Variants in CSMD3 observed in about 807,000 individuals in gnomAD.
The protein encoded by CSMD3 is CUB and Sushi multiple domains 3.
Under a neutral mutation model 435.2 loss-of-function variants are expected in CSMD3, and 177 were observed. That is an observed-to-expected ratio of 0.41 (90% CI 0.36 to 0.46). The LOEUF is 0.46. Among genes scored for constraint, CSMD3 ranks in the 20% least tolerant of loss-of-function variants. CSMD3 has a pLI of 0.34. For missense variants in CSMD3, 4,265 were observed against 4,504.6 expected (o/e 0.95, Z 1.52); for synonymous variants, 1,656 against 1,520.5 (o/e 1.09, Z -2.07).
intron 3 of CSMD3, among the ~76,000 whole-genome samples, chr8:113,272,519 TG>T (rs1307451374): frequency 3.3e-5 from 5 of 150,898 alleles, no homozygotes; most frequent in African/African-American, 1.2e-4. Flanking sequence ...GAAGTGTGTT[TG>T]GGGTTTCTGC....
At chr8:112,803,127 T>C (rs1020865780) in intron 12 of CSMD3, among the ~76,000 whole-genome samples, 1 of 152,156 alleles carries the variant, frequency 6.6e-6, no homozygotes, top group South Asian at 2.1e-4. Context: ...CTTAAAAAGA[T>C]CTGCATAACT....
chr8:113,215,772 A>T (rs2092897411), intron 3 of CSMD3, among the ~76,000 whole-genome samples: 1 of 151,978 alleles, frequency 6.6e-6, no homozygotes, highest in African/African-American at 2.4e-5. Flanking sequence ...AGTATATATT[A>T]AACTAATCTA....
chr8:113,071,751 T>C (rs2089132423), intron 5 of CSMD3, among the ~76,000 whole-genome samples: 2 of 151,958 alleles, frequency 1.3e-5, no homozygotes, highest in Admixed American at 1.3e-4. Context: ...CCTCCAGTTT[T>C]GTTCTTCTTG....
At position 112,843,098 on chromosome 8, in the gene CSMD3, G is replaced by T. The variant is rs73344061; in HGVS notation, c.1756-13309C>A. 3.0e-3 allele frequency among the ~76,000 whole-genome samples: 453 copies of T among 151,826 alleles called. 1 individual carries two copies. The highest frequency in any genetic ancestry group is 0.01 in the African/African-American group (420 of 41,480). Reference sequence around the variant, plus strand: ...TAAGCATCAATTCTATCCAAAAAGAGAGATTTTATGTTTGGTTTCTTTATA... The same window carrying T: ...TAAGCATCAATTCTATCCAAAAAGATAGATTTTATGTTTGGTTTCTTTATA... On this transcript the variant is annotated intron_variant, in intron 11 of 70. Coordinates refer to ENST00000297405, the MANE Select transcript of CSMD3 (RefSeq NM_198123.2).
At chr8:113,336,332 G>A (rs2094074806) in intron 1 of CSMD3, among the ~76,000 whole-genome samples, 1 of 151,146 alleles carries the variant, frequency 6.6e-6, no homozygotes, top group Non-Finnish European at 1.5e-5. Flanking sequence ...GAAAAAAAAT[G>A]TATTAAGTGT....
At chr8:113,197,286 G>C (rs992940381) in intron 3 of CSMD3, among the ~76,000 whole-genome samples, 7 of 150,750 alleles carry the variant, frequency 4.6e-5, no homozygotes, top group Non-Finnish European at 5.9e-5. Context: ...GTATAGAATT[G>C]CCTTCAGCCT....
chr8:112,360,607 C>T (rs1827097939), intron 38 of CSMD3, among the ~76,000 whole-genome samples: 1 of 151,692 alleles, frequency 6.6e-6, no homozygotes, highest in Admixed American at 6.6e-5. Context: ...GTATGTCATT[C>T]CTTGTATTTT....
In CSMD3 at chr8:112,223,624, A is replaced by C. The variant is rs1812333873; in HGVS notation, c.*1147T>G. The C allele has an allele frequency of 6.6e-6, 1 of 152,222 alleles. No individual in the cohort carries two copies. Among genetic ancestry groups the C allele is most frequent in the African/African-American group, 2.4e-5 (1 of 41,460 alleles). 9.4% of individuals were successfully genotyped at this position (152,222 alleles called of 1,614,324 possible). ...AGGTACAGAAATTTAAAAATATATA[A>C]AAATATGATAAGTCCACAATTGTAG... On this transcript the variant is annotated 3_prime_UTR_variant, in exon 71 of 71. Transcript: ENST00000297405.
At chr8:113,030,996 G>A (rs998882371) in intron 5 of CSMD3, among the ~76,000 whole-genome samples, 1 of 151,506 alleles carries the variant, frequency 6.6e-6, no homozygotes, top group African/African-American at 2.4e-5. Flanking sequence ...CAGTGACTAT[G>A]CCAAATGTGA....
At chr8:112,826,644 G>A (rs1481616362) in intron 12 of CSMD3, among the ~76,000 whole-genome samples, 1 of 152,152 alleles carries the variant, frequency 6.6e-6, no homozygotes, top group African/African-American at 2.4e-5. Flanking sequence ...CTTGGATCAT[G>A]CTAGCCACCT....
chr8:112,991,217 C>T (rs1293225929), intron 6 of CSMD3, among the ~76,000 whole-genome samples: 1 of 150,814 alleles, frequency 6.6e-6, no homozygotes, highest in Non-Finnish European at 1.5e-5. Context: ...TATATAGTTG[C>T]TGAATTAAAT....
At chr8:112,983,462 AC>A (rs1244062181) in intron 6 of CSMD3, among the ~76,000 whole-genome samples, 2 of 151,352 alleles carry the variant, frequency 1.3e-5, no homozygotes, top group Non-Finnish European at 2.9e-5. Context: ...CTCTCTGTGT[AC>A]CTCAATGGTG....
At chr8:112,414,765 A>C (rs574952278) in intron 32 of CSMD3, among the ~76,000 whole-genome samples, 1 of 152,196 alleles carries the variant, frequency 6.6e-6, no homozygotes, top group African/African-American at 2.4e-5. Context: ...TGGACAACGA[A>C]GTCCAGACTG....
At chr8:113,315,395 A>C (rs2093901512) in intron 1 of CSMD3, among the ~76,000 whole-genome samples, 1 of 151,984 alleles carries the variant, frequency 6.6e-6, no homozygotes, top group Non-Finnish European at 1.5e-5. Flanking sequence ...AATTAACCAC[A>C]TCAGAGTGAA....
chr8:112,567,702 G>A (rs1829171401), intron 24 of CSMD3, among the ~76,000 whole-genome samples: 1 of 152,092 alleles, frequency 6.6e-6, no homozygotes, highest in African/African-American at 2.4e-5. Context: ...AGGGATCTGG[G>A]CAGAATAACC....
intron 7 of CSMD3, among the ~76,000 whole-genome samples, chr8:112,962,431 A>C (rs1311939376): frequency 6.6e-6 from 1 of 151,816 alleles, no homozygotes; most frequent in Non-Finnish European, 1.5e-5. Flanking sequence ...AAACTTTTTG[A>C]AAAACAGCAG....
chr8:112,330,807 CT>C (rs1358979646), intron 45 of CSMD3, among the ~76,000 whole-genome samples: 1 of 152,022 alleles, frequency 6.6e-6, no homozygotes, highest in African/African-American at 2.4e-5. Context: ...TAAATATAAT[CT>C]ATTCATGAGA....
chr8:113,050,714 C>A (rs17603665), intron 5 of CSMD3, among the ~76,000 whole-genome samples: 15 of 151,718 alleles, frequency 9.9e-5, no homozygotes, highest in African/African-American at 2.2e-4. Flanking sequence ...TGACTTATGC[C>A]CAGAAGAGAC....
intron 63 of CSMD3, 80 bp from the exon 64 acceptor site, chr8:112,247,211 T>C: frequency 1.2e-6 from 1 of 830,976 alleles, no homozygotes; most frequent in Admixed American, 2.0e-5. Context: ...AGTGAGAAAA[T>C]GTTATCAAGT....
Sources: allele counts gnomAD v4.1 joint callset (sites outside exome capture counted in the v4.1 genomes callset), GRCh38; gene constraint gnomAD v4.1.1; transcripts MANE v1.5; gene names NCBI Gene and HGNC (gene_info 2026-07-23, HGNC 2026-07-21).